The following ATF7IP variants were observed in gnomAD, a reference collection of about 807,000 sequenced individuals.
The protein encoded by ATF7IP is activating transcription factor 7 interacting protein.
A neutral mutation model predicts 106.4 loss-of-function variants in ATF7IP; 23 were observed. The ratio of observed to expected loss-of-function variants is 0.22; its 90% CI spans 0.16 to 0.31. The LOEUF is 0.31. ATF7IP is among the 10% of genes least tolerant of loss of function. ATF7IP has a pLI of 1.00. For synonymous variants in ATF7IP, 542 were observed against 539.0 expected (o/e 1.01, Z -0.08); for missense variants, 1,334 against 1,524.3 (o/e 0.88, Z 2.08).
At chr12:14,439,396 A>G (rs757233965) in intron 5 of ATF7IP, among the ~76,000 whole-genome samples, 1 of 152,220 alleles carries the variant, frequency 6.6e-6, no homozygotes, top group Non-Finnish European at 1.5e-5. Context: ...AGACTGACCT[A>G]TCTAATTATT....
intron 1 of ATF7IP, among the ~76,000 whole-genome samples, chr12:14,404,064 T>C (rs1940412346): frequency 6.6e-6 from 1 of 151,998 alleles, no homozygotes; most frequent in Non-Finnish European, 1.5e-5. Context: ...ATCTGGCTCA[T>C]AAACATTGGT....
At chr12:14,480,833 G>A (rs1490736483) in intron 12 of ATF7IP, among the ~76,000 whole-genome samples, 170 bp from the exon 13 acceptor site, 2 of 152,118 alleles carry the variant, frequency 1.3e-5, no homozygotes, top group African/African-American at 2.4e-5. Context: ...TATTATTAAT[G>A]TTTATTGGCC....
At chr12:14,409,940 A>G (rs1340094207) in intron 1 of ATF7IP, among the ~76,000 whole-genome samples, 1 of 152,132 alleles carries the variant, frequency 6.6e-6, no homozygotes, top group Non-Finnish European at 1.5e-5. Flanking sequence ...TACAGTTCAC[A>G]TGTCATACAA....
intron 1 of ATF7IP, among the ~76,000 whole-genome samples, chr12:14,393,831 A>G (rs1270597147): frequency 6.6e-6 from 1 of 152,200 alleles, no homozygotes; most frequent in Admixed American, 6.5e-5. Flanking sequence ...ATTATGTATT[A>G]GTAGATAATA....
chr12:14,474,943 A>G (rs910284107), intron 10 of ATF7IP, among the ~76,000 whole-genome samples: 2 of 152,150 alleles, frequency 1.3e-5, no homozygotes. Context: ...TTTCTGTGAA[A>G]TCATTATTGT....
In ATF7IP at chr12:14,460,955, G is replaced by A. The variant is rs758954450; in HGVS notation, c.2619G>A (p.Gln873=). Residue 873 remains glutamine, a synonymous_variant, in exon 9 of 15, where the codon CAG becomes CAA. Transcript: ENST00000261168. The part of the protein sequence containing the change: ...AAPLGTTLAV[Q]AVPTAHSIVQ... The stretch of plus-strand genomic sequence containing the variant: ...CATTGGGAACAACACTTGCTGTGCA[G>A]GCTGTTCCAACAGCACACTCTATTG... The A allele has an allele frequency of 4.2e-5, 67 of 1,614,000 alleles. No individual in the cohort carries two copies. The highest frequency in any genetic ancestry group is 5.3e-5 in the Non-Finnish European group (62 of 1,180,026).
chr12:14,379,762 A>G (rs926945068), intron 1 of ATF7IP, among the ~76,000 whole-genome samples: 5 of 152,032 alleles, frequency 3.3e-5, no homozygotes, highest in African/African-American at 4.8e-5. Context: ...TCTTCCTACT[A>G]TTATCACCAC....
At chr12:14,430,760 C>T (rs1010820326) in intron 2 of ATF7IP, among the ~76,000 whole-genome samples, 2 of 152,132 alleles carry the variant, frequency 1.3e-5, no homozygotes, top group African/African-American at 4.8e-5. Flanking sequence ...GGCCTGTGAG[C>T]CCTGTTTTTG....
intron 2 of ATF7IP, among the ~76,000 whole-genome samples, chr12:14,429,280 A>G (rs1015407421): frequency 6.6e-6 from 1 of 152,108 alleles, no homozygotes. Flanking sequence ...TGACCTCTTA[A>G]TAACAGTTCT....
rs1216555953 is a variant in ATF7IP at position 14,425,200 on chromosome 12, T to C, written c.1285T>C (p.Ser429Pro). The change falls in exon 2 of 15, where the codon TCT (serine) becomes CCT (proline). Residue 429 changes from serine (S) to proline (P), a missense_variant. By Grantham distance (74) the Ser-to-Pro change is moderately conservative (BLOSUM62 -1). This residue lies in a region of ATF7IP where 438 missense variants were observed against 405.3 expected (regional missense o/e 1.08). Coordinates refer to ENST00000261168, the MANE Select transcript of ATF7IP (RefSeq NM_018179.5). ...KSENILENTD[S>P]METDEIIPIL... is the part of the protein sequence containing the mutation. ...TGAGAATATCTTAGAAAATACAGAC[T>C]CTATGGAGACAGATGAAATCATTCC... 3 of 1,597,100 alleles carry C rather than the reference T, an allele frequency of 1.9e-6. No homozygotes were observed. Among genetic ancestry groups the C allele is most frequent in the Admixed American group, 1.8e-5 (1 of 55,164 alleles).
At chr12:14,382,711 A>G (rs1012758204) in intron 1 of ATF7IP, among the ~76,000 whole-genome samples, 1 of 152,246 alleles carries the variant, frequency 6.6e-6, no homozygotes, top group African/African-American at 2.4e-5. Flanking sequence ...TTATTGAGCA[A>G]ATAACTGTGT....
At chr12:14,387,275 A>G (rs1404413399) in intron 1 of ATF7IP, among the ~76,000 whole-genome samples, 1 of 152,154 alleles carries the variant, frequency 6.6e-6, no homozygotes, top group African/African-American at 2.4e-5. Context: ...CAGTAAGGTT[A>G]TCCTTGGAGT....
intron 1 of ATF7IP, among the ~76,000 whole-genome samples, chr12:14,398,219 A>G (rs1195826508): frequency 6.6e-6 from 1 of 151,488 alleles, no homozygotes; most frequent in Non-Finnish European, 1.5e-5. Flanking sequence ...ATGCTTTGGG[A>G]TTATACCTTT....
chr12:14,447,822 AT>A (rs1372186939), intron 6 of ATF7IP, among the ~76,000 whole-genome samples: 1 of 152,150 alleles, frequency 6.6e-6, no homozygotes, highest in Non-Finnish European at 1.5e-5. Flanking sequence ...CAGAGATTAG[AT>A]TAAGTCACTT....
intron 6 of ATF7IP, among the ~76,000 whole-genome samples, chr12:14,455,653 C>T (rs1355159497): frequency 1.3e-5 from 2 of 152,140 alleles, no homozygotes; most frequent in African/African-American, 4.8e-5. Context: ...GACACAATCT[C>T]AGCTCACTGC....
At chr12:14,367,793 A>G (rs1938368304) in intron 1 of ATF7IP, among the ~76,000 whole-genome samples, 1 of 152,118 alleles carries the variant, frequency 6.6e-6, no homozygotes, top group Admixed American at 6.6e-5. Context: ...AGATATAATC[A>G]TGTAAACTTA....
intron 1 of ATF7IP, chr12:14,416,777 A>G: frequency 3.6e-6 from 1 of 281,602 alleles, no homozygotes; most frequent in South Asian, 1.4e-4. Flanking sequence ...TTGCTGGGCA[A>G]GGTTTGTGAC....
Position 14,493,684 on chromosome 12 carries a change from C to G in ATF7IP, c.3281-2547C>G, listed in dbSNP as rs1165346823. Among the ~76,000 whole-genome samples the G allele has an allele frequency of 1.3e-5, 2 of 152,148 alleles. 1 individual carries two copies. Among genetic ancestry groups the G allele is most frequent in the Non-Finnish European group, 2.9e-5 (2 of 68,022 alleles). The stretch of plus-strand genomic sequence containing the variant: ...CCATTCCAAGTTTCAGGGTCCCATT[C>G]TTTTCCAGTCAGTGCCCTCCCTTTA... On this transcript the variant is annotated intron_variant, in intron 13 of 14. Transcript: ENST00000261168.
chr12:14,448,698 T>C (rs190758755), intron 6 of ATF7IP, among the ~76,000 whole-genome samples: 60 of 152,304 alleles, frequency 3.9e-4, no homozygotes, highest in Non-Finnish European at 6.6e-4. Context: ...GGTTGTATGG[T>C]AATACTTTTA....
Sources: gnomAD v4.1 joint callset for allele counts (sites outside exome capture counted in the v4.1 genomes callset) on GRCh38, gnomAD v4.1.1 for gene constraint, gnomAD v4.1.1 regional missense constraint, MANE v1.5 for transcripts, NCBI Gene and HGNC (gene_info 2026-07-23, HGNC 2026-07-21) for gene names.